RBFOX1: variants seen among roughly 807,000 people sequenced by gnomAD.
The protein encoded by RBFOX1 is RNA binding fox-1 homolog 1, also known as RNA binding protein fox-1 homolog 1.
A neutral mutation model predicts 57.7 loss-of-function variants in RBFOX1; 8 were observed. The observed-to-expected ratio is 0.14, with a 90% CI of 0.08 to 0.25. RBFOX1 has a LOEUF of 0.25. RBFOX1 is among the 10% of genes least tolerant of loss of function. The pLI is 1.00. For missense variants in RBFOX1, 611 were observed against 548.5 expected, an observed-to-expected ratio of 1.11 and a Z score of -1.14; for synonymous variants, 326 against 222.4, an observed-to-expected ratio of 1.47 and a Z score of -4.15.
intron 2 of RBFOX1, among the ~76,000 whole-genome samples, chr16:6,559,729 A>G (rs970241510): frequency 6.6e-6 from 1 of 152,142 alleles, no homozygotes; most frequent in African/African-American, 2.4e-5. Context: ...GTGTGTCTAT[A>G]TATCTATATC....
At chr16:6,415,376 C>G (rs964382797) in intron 2 of RBFOX1, among the ~76,000 whole-genome samples, 1 of 151,750 alleles carries the variant, frequency 6.6e-6, no homozygotes, top group African/African-American at 2.4e-5. Flanking sequence ...GCTCATACAG[C>G]TAGGAAGAAG....
intron 3 of RBFOX1, among the ~76,000 whole-genome samples, chr16:6,796,922 A>G (rs757200202): frequency 2.6e-5 from 4 of 152,142 alleles, no homozygotes; most frequent in Non-Finnish European, 4.4e-5. Context: ...TTTCTTCCAC[A>G]TCTCAAATTG....
At chr16:6,605,554 G>A (rs964593488) in intron 2 of RBFOX1, among the ~76,000 whole-genome samples, 4 of 152,028 alleles carry the variant, frequency 2.6e-5, no homozygotes, top group African/African-American at 7.2e-5. Context: ...ATTTGTCATC[G>A]GAGTGATCGG....
intron 3 of RBFOX1, among the ~76,000 whole-genome samples, chr16:5,774,360 C>T (rs2054078296): frequency 6.6e-6 from 1 of 152,174 alleles, no homozygotes; most frequent in Non-Finnish European, 1.5e-5. Context: ...CATATCATTT[C>T]TTATGGTGAT....
chr16:6,003,823 C>T (rs937366098), intron 4 of RBFOX1, among the ~76,000 whole-genome samples: 1 of 150,480 alleles, frequency 6.6e-6, no homozygotes, highest in Non-Finnish European at 1.5e-5. Context: ...AGGGTCTGTG[C>T]CCCCCAACTG....
At chr16:6,980,782 C>T (rs373783414) in intron 3 of RBFOX1, among the ~76,000 whole-genome samples, 62 of 152,218 alleles carry the variant, frequency 4.1e-4, no homozygotes, top group Admixed American at 1.2e-3. Context: ...GTAGCTCATG[C>T]CTGTAATCCC....
intron 2 of RBFOX1, among the ~76,000 whole-genome samples, chr16:6,524,203 A>G (rs1405723270): frequency 6.6e-6 from 1 of 152,054 alleles, no homozygotes; most frequent in Non-Finnish European, 1.5e-5. Context: ...GAGTTCTATC[A>G]TTTTTATTTC....
intron 4 of RBFOX1, among the ~76,000 whole-genome samples, chr16:7,093,371 T>C (rs2061178476): frequency 6.6e-6 from 1 of 152,218 alleles, no homozygotes; most frequent in Admixed American, 6.5e-5. Flanking sequence ...CTCTGTTGTC[T>C]CGAATATTCC....
At chr16:6,998,561 A>G (rs1477606662) in intron 3 of RBFOX1, among the ~76,000 whole-genome samples, 1 of 152,220 alleles carries the variant, frequency 6.6e-6, no homozygotes, top group African/African-American at 2.4e-5. Flanking sequence ...GTTGTATTGA[A>G]GAACCAAAAT....
chr16:5,353,820 C>G (rs1050167307), intron 1 of RBFOX1, among the ~76,000 whole-genome samples: 10 of 152,112 alleles, frequency 6.6e-5, no homozygotes, highest in African/African-American at 2.2e-4. Context: ...CGCATCCGGT[C>G]TCCTGTGGGG....
chr16:6,954,560 AC>A (rs1441861962), intron 3 of RBFOX1, among the ~76,000 whole-genome samples: 2 of 152,134 alleles, frequency 1.3e-5, no homozygotes, highest in African/African-American at 4.8e-5. Context: ...CCTGTTGTCC[AC>A]CCCAATGCTA....
intron 1 of RBFOX1, among the ~76,000 whole-genome samples, chr16:6,074,350 A>G (rs11647024): frequency 0.62 from 93,209 of 151,268 alleles, 28,708 homozygotes; most frequent in Admixed American, 0.65. Flanking sequence ...TCCAGCACAA[A>G]CATTTCACCC....
At chr16:5,912,396 A>G (rs2058621676) in intron 4 of RBFOX1, among the ~76,000 whole-genome samples, 1 of 152,144 alleles carries the variant, frequency 6.6e-6, no homozygotes, top group Non-Finnish European at 1.5e-5. Context: ...GCAGCTTTGC[A>G]CTAATCAGAG....
At chr16:6,990,724 T>C (rs574178639) in intron 3 of RBFOX1, among the ~76,000 whole-genome samples, 2 of 152,066 alleles carry the variant, frequency 1.3e-5, no homozygotes, top group Admixed American at 6.5e-5. Context: ...CTTGGACAAG[T>C]TTCTTAAGCT....
intron 4 of RBFOX1, among the ~76,000 whole-genome samples, chr16:7,284,851 C>T (rs1445760646): frequency 1.3e-5 from 2 of 152,110 alleles, no homozygotes; most frequent in African/African-American, 4.8e-5. Flanking sequence ...CATCTTTTGG[C>T]CACTGCCTTC....
At chr16:6,900,639 A>T (rs2068238114) in intron 3 of RBFOX1, among the ~76,000 whole-genome samples, 1 of 152,158 alleles carries the variant, frequency 6.6e-6, no homozygotes, top group Admixed American at 6.5e-5. Context: ...TCTGCCTGGA[A>T]TTCTACCCTT....
intron 4 of RBFOX1, among the ~76,000 whole-genome samples, chr16:7,073,644 G>C (rs1188581184): frequency 1.3e-5 from 2 of 151,932 alleles, no homozygotes; most frequent in Non-Finnish European, 2.9e-5. Flanking sequence ...AAGACTTCAA[G>C]ACCGGCCTGG....
chr16:7,258,952 CT>C (rs1441045617), intron 4 of RBFOX1, among the ~76,000 whole-genome samples: 1 of 152,182 alleles, frequency 6.6e-6, no homozygotes, highest in Admixed American at 6.6e-5. Flanking sequence ...AAGATGGGTC[CT>C]GTTTCACCTA....
intron 3 of RBFOX1, among the ~76,000 whole-genome samples, chr16:6,782,053 C>T (rs1053891681): frequency 2.0e-5 from 3 of 152,100 alleles, no homozygotes; most frequent in African/African-American, 7.2e-5. Context: ...TGTCACTGGG[C>T]TGGAGTGCAG....
Sources: allele counts gnomAD v4.1 joint callset (sites outside exome capture counted in the v4.1 genomes callset), GRCh38; gene constraint gnomAD v4.1.1; transcripts MANE v1.5; gene names NCBI Gene and HGNC (gene_info 2026-07-23, HGNC 2026-07-21).